The following STON2 variants were observed in gnomAD, a reference collection of about 807,000 sequenced individuals.
The protein encoded by STON2 is stonin 2, also known as stonin-2.
A neutral mutation model predicts 65.7 loss-of-function variants in STON2; 29 were observed. That is an observed-to-expected ratio of 0.44 (90% CI 0.33 to 0.60). The LOEUF (loss-of-function observed/expected upper bound fraction) is 0.60. STON2 is among the 20% of genes least tolerant of loss of function. The pLI is 0.03. For missense variants in STON2, 1,054 were observed against 1,118.1 expected, an observed-to-expected ratio of 0.94 and a Z score of 0.82; for synonymous variants, 404 against 414.2, an observed-to-expected ratio of 0.98 and a Z score of 0.30.
chr14:81,278,864 T>C (rs1184621788), intron 5 of STON2, 125 bp from the exon 6 acceptor site: 2 of 730,652 alleles, frequency 2.7e-6, no homozygotes, highest in Non-Finnish European at 4.2e-6. Flanking sequence ...AAGCAGCTCA[T>C]TATCTGTTTC....
chr14:81,278,191 T>G lies in STON2; in HGVS notation c.1291A>C (p.Lys431Gln), dbSNP rs775885242. ...QDAISFDDSS[K>Q]TQSHSDAVEK... is the part of the protein sequence containing the mutation. Reference sequence around the variant, plus strand: ...ACAGCATCAGAGTGTGACTGGGTTTTGCTTGAATCATCAAAACTGATGGCA... The same window carrying G: ...ACAGCATCAGAGTGTGACTGGGTTTGGCTTGAATCATCAAAACTGATGGCA... The change falls in exon 6 of 8, where the codon AAA becomes CAA. Residue 431 changes from lysine to glutamine, a missense_variant. By Grantham distance (53) the Lys-to-Gln change is moderately conservative. Transcript: ENST00000614646. 31 of 1,614,220 alleles carry G rather than the reference T, an allele frequency of 1.9e-5. No homozygotes were observed. Among genetic ancestry groups the G allele is most frequent in the Non-Finnish European group, 2.6e-5 (31 of 1,180,032 alleles).
Position 81,277,272 on chromosome 14 carries a change from A to C in STON2, c.2210T>G (p.Val737Gly). The C allele has an allele frequency of 6.2e-7, 1 of 1,614,114 alleles. No individual in the cohort carries two copies. The change falls in exon 6 of 8, where the codon GTG becomes GGG. Residue 737 changes from valine (V) to glycine (G), a missense_variant. By Grantham distance (109) the Val-to-Gly change is moderately radical (BLOSUM62 -3). Transcript: ENST00000614646. ...CRFELMRFRT[V>G]FAEKTLPFTL... ...GAAAGGCAAGGTCTTCTCAGCAAAC[A>C]CTGTCCTGAACCGCATTAGCTCAAA... is the stretch of plus-strand genomic sequence containing the variant.
intron 5 of STON2, among the ~76,000 whole-genome samples, chr14:81,313,333 T>C (rs1274901387): frequency 6.6e-6 from 1 of 152,160 alleles, no homozygotes; most frequent in Non-Finnish European, 1.5e-5. Context: ...GAGACTGCAA[T>C]ATAATCATCT....
At chr14:81,427,602 A>G (rs1466165484) in intron 1 of STON2, among the ~76,000 whole-genome samples, 1 of 152,098 alleles carries the variant, frequency 6.6e-6, no homozygotes, top group East Asian at 1.9e-4. Flanking sequence ...GCCTATGCCA[A>G]TTAGGTTGAT....
intron 5 of STON2, among the ~76,000 whole-genome samples, chr14:81,314,338 T>C (rs1341685193): frequency 6.6e-6 from 1 of 152,232 alleles, no homozygotes; most frequent in Admixed American, 6.5e-5. Context: ...TTGAAATTTA[T>C]ACAAGATGAA....
chr14:81,268,331 C>T lies in STON2; in HGVS notation c.*83G>A. ...CAGCAGGTATTGACTGCAACTTCAG[C>T]TACTCAGGAAGACACCCTATCATGA... On this transcript the variant is annotated 3_prime_UTR_variant, in exon 8 of 8. Coordinates refer to ENST00000614646, the MANE Select transcript of STON2 (RefSeq NM_001394390.1). The T allele has an allele frequency of 7.9e-7, 1 of 1,269,458 alleles. No homozygotes were observed. The highest frequency in any genetic ancestry group is 1.0e-6 in the Non-Finnish European group (1 of 979,522). 78.6% of individuals were successfully genotyped at this position (1,269,458 alleles called of 1,614,324 possible).
At chr14:81,404,068 GC>G (rs1389928751), upstream of STON2, among the ~76,000 whole-genome samples, 1 of 152,190 alleles carries the variant, frequency 6.6e-6, no homozygotes, top group Non-Finnish European at 1.5e-5. Context: ...GAATGAATTT[GC>G]CTTAACATAC....
chr14:81,316,849 T>C (rs1896640818), intron 5 of STON2, among the ~76,000 whole-genome samples: 1 of 151,978 alleles, frequency 6.6e-6, no homozygotes, highest in South Asian at 2.1e-4. Flanking sequence ...TGAAACCCCG[T>C]CTCTACCAAA....
At chr14:81,422,852 T>C (rs771763561) in intron 2 of STON2, among the ~76,000 whole-genome samples, 2 of 151,876 alleles carry the variant, frequency 1.3e-5, no homozygotes, top group Non-Finnish European at 2.9e-5. Context: ...GCCAACATGG[T>C]GAAACCCCGT....
chr14:81,331,638 A>G (rs1486624599), intron 4 of STON2, among the ~76,000 whole-genome samples: 2 of 152,216 alleles, frequency 1.3e-5, no homozygotes, highest in Non-Finnish European at 2.9e-5. Flanking sequence ...CTTCATAAAG[A>G]AGGCCTCCAG....
At chr14:81,352,529 T>A (rs1048047432) in intron 4 of STON2, among the ~76,000 whole-genome samples, 1 of 152,010 alleles carries the variant, frequency 6.6e-6, no homozygotes. Context: ...TCTTATACTC[T>A]CCCCTACAGG....
chr14:81,350,038 A>G (rs1057143140), intron 4 of STON2, among the ~76,000 whole-genome samples: 6 of 152,136 alleles, frequency 3.9e-5, no homozygotes, highest in African/African-American at 1.4e-4. Flanking sequence ...GATCTCATGG[A>G]GGTAGTGAGT....
At chr14:81,354,845 T>C (rs1451291876) in intron 4 of STON2, among the ~76,000 whole-genome samples, 1 of 152,018 alleles carries the variant, frequency 6.6e-6, no homozygotes, top group Non-Finnish European at 1.5e-5. Context: ...GGTGAAGCCC[T>C]GTCTCTACTA....
intron 4 of STON2, among the ~76,000 whole-genome samples, chr14:81,355,305 A>G (rs1216929250): frequency 6.6e-6 from 1 of 152,196 alleles, no homozygotes; most frequent in African/African-American, 2.4e-5. Flanking sequence ...GAAGTCTCCA[A>G]TAAAATTCAA....
chr14:81,399,318 C>T (rs1234971778), intron 1 of STON2, among the ~76,000 whole-genome samples: 1 of 152,060 alleles, frequency 6.6e-6, no homozygotes, highest in Non-Finnish European at 1.5e-5. Flanking sequence ...AGCTCTTGAT[C>T]TAATAATGAT....
At chr14:81,303,461 C>CAG (rs1896050090) in intron 5 of STON2, among the ~76,000 whole-genome samples, 1 of 152,202 alleles carries the variant, frequency 6.6e-6, no homozygotes, top group Non-Finnish European at 1.5e-5. Flanking sequence ...CCCTGACAGG[C>CAG]AGAAGTGCCC....
intron 4 of STON2, 148 bp downstream of exon 4, chr14:81,370,840 T>C (rs1197044082): frequency 1.4e-6 from 1 of 692,208 alleles, no homozygotes; most frequent in East Asian, 2.6e-5. Flanking sequence ...TCCAGCCACT[T>C]TGGGTTCTAG....
At chr14:81,365,063 A>G (rs1448006913) in intron 4 of STON2, among the ~76,000 whole-genome samples, 1 of 152,220 alleles carries the variant, frequency 6.6e-6, no homozygotes, top group Admixed American at 6.5e-5. Flanking sequence ...CAAGGCCCCA[A>G]GTTCTGGGTT....
intron 5 of STON2, among the ~76,000 whole-genome samples, chr14:81,283,954 T>A (rs1423858631): frequency 6.6e-6 from 1 of 152,220 alleles, no homozygotes; most frequent in Non-Finnish European, 1.5e-5. Flanking sequence ...CATTCAAACA[T>A]TTTCACTATA....
Sources: allele counts gnomAD v4.1 joint callset (sites outside exome capture counted in the v4.1 genomes callset), GRCh38; gene constraint gnomAD v4.1.1; transcripts MANE v1.5; gene names NCBI Gene and HGNC (gene_info 2026-07-23, HGNC 2026-07-21).